The following WDR59 variants were observed in gnomAD, a reference collection of about 807,000 sequenced individuals.
WDR59 encodes WD repeat domain 59.
In WDR59, 100 loss-of-function variants were observed where a neutral mutation model predicts 131.2. The observed-to-expected ratio is 0.76, with a 90% CI of 0.65 to 0.90. The LOEUF is 0.90. WDR59 is among the 40% of genes least tolerant of loss of function. WDR59 has a pLI of 0.00. For missense variants in WDR59, 1,203 were observed against 1,262.2 expected (o/e 0.95, Z 0.71); for synonymous variants, 601 against 466.2 (o/e 1.29, Z -3.72).
intron 1 of WDR59, among the ~76,000 whole-genome samples, chr16:74,972,132 T>C (rs183827347): frequency 6.6e-6 from 1 of 152,308 alleles, no homozygotes; most frequent in Admixed American, 6.5e-5. Flanking sequence ...CTTAGAAGTC[T>C]TTGTTCCTTC....
intron 1 of WDR59, among the ~76,000 whole-genome samples, chr16:74,966,661 A>G (rs1597808125): frequency 6.6e-6 from 1 of 152,002 alleles, no homozygotes; most frequent in African/African-American, 2.4e-5. Context: ...AAGGGCATGG[A>G]CTTCTCCTCA....
intron 11 of WDR59, among the ~76,000 whole-genome samples, chr16:74,916,928 T>C (rs544020741): frequency 3.9e-5 from 6 of 152,046 alleles, no homozygotes; most frequent in Admixed American, 1.3e-4. Flanking sequence ...AAAAAACAGA[T>C]TGAAAATGCA....
chr16:74,906,903 T>C (rs1965847216), intron 17 of WDR59, among the ~76,000 whole-genome samples: 1 of 152,146 alleles, frequency 6.6e-6, no homozygotes, highest in Non-Finnish European at 1.5e-5. Flanking sequence ...TTGATATGAG[T>C]GTTGGTCACC....
At chr16:74,958,592 C>CAAAAAAAAAAA (rs747175030) in intron 2 of WDR59, among the ~76,000 whole-genome samples, 239 of 13,234 alleles carry the variant, frequency 0.018, 45 homozygotes, top group African/African-American at 0.025. Context: ...GACTCCATCT[C>CAAAAAAAAAAA]AAAAAAAAAA....
At position 74,888,205 on chromosome 16, in the gene WDR59, G is replaced by T; in HGVS notation, c.2310C>A (p.Asn770Lys). ...GLPNPFGPFP[N>K]RSSNLVVSHS... ...GGGACACCACAAGATTAGAAGAACG[G>T]TTAGGAAAAGGCCCAAAGGGGTTTG... The change falls in exon 22 of 26, where the codon AAC becomes AAA. Residue 770 changes from asparagine to lysine, a missense_variant. Transcript: ENST00000262144. The T allele has an allele frequency of 6.2e-7, 1 of 1,613,760 alleles. No homozygotes were observed. The highest frequency in any genetic ancestry group is 8.5e-7 in the Non-Finnish European group (1 of 1,179,916).
intron 7 of WDR59, 69 bp from the exon 8 acceptor site, chr16:74,938,335 C>G (rs2031964896): frequency 8.9e-7 from 1 of 1,128,468 alleles, no homozygotes; most frequent in African/African-American, 1.6e-5. Flanking sequence ...ACGTAAAAGT[C>G]TGCTAGGTAG....
intron 13 of WDR59, among the ~76,000 whole-genome samples, chr16:74,914,694 A>G (rs1463812413): frequency 6.6e-6 from 1 of 151,566 alleles, no homozygotes; most frequent in African/African-American, 2.4e-5. Flanking sequence ...CCTGGGTTCA[A>G]GCGATTCTCC....
chr16:74,933,017 T>C (rs1156411084), intron 8 of WDR59, among the ~76,000 whole-genome samples: 1 of 152,216 alleles, frequency 6.6e-6, no homozygotes, highest in Admixed American at 6.5e-5. Flanking sequence ...CCAAATGTTA[T>C]GGATTTTCTT....
intron 8 of WDR59, among the ~76,000 whole-genome samples, chr16:74,936,897 A>C (rs1208342224): frequency 6.6e-6 from 1 of 152,182 alleles, no homozygotes. Context: ...GTCACATCTG[A>C]CACATTAAAA....
At chr16:74,970,888 T>C in intron 1 of WDR59, among the ~76,000 whole-genome samples, 1 of 143,798 alleles carries the variant, frequency 7.0e-6, no homozygotes, top group East Asian at 2.0e-4. Context: ...CCACACCTTT[T>C]AAAAAAAAAA....
At chr16:74,980,750 T>C (rs1216334358) in intron 1 of WDR59, among the ~76,000 whole-genome samples, 1 of 151,650 alleles carries the variant, frequency 6.6e-6, no homozygotes, top group Non-Finnish European at 1.5e-5. Context: ...GGCAGGCATA[T>C]CACTTCAGGT....
chr16:74,943,240 C>CTT (rs3064646), intron 6 of WDR59, among the ~76,000 whole-genome samples: 110 of 146,656 alleles, frequency 7.5e-4, no homozygotes, highest in African/African-American at 2.7e-3. Context: ...TGCCTGCCCC[C>CTT]TTTTTTTTTT....
intron 5 of WDR59, 120 bp downstream of exon 5, chr16:74,949,598 C>T: frequency 1.3e-6 from 1 of 774,952 alleles, no homozygotes; most frequent in South Asian, 1.7e-5. Context: ...GCTCAAATCT[C>T]TCACTCAAAC....
In WDR59 at chr16:74,944,903, G is replaced by A. The variant is rs149926063; in HGVS notation, c.446-2077C>T. On this transcript the variant is annotated intron_variant, in intron 6 of 25. Coordinates refer to ENST00000262144, the MANE Select transcript of WDR59 (RefSeq NM_030581.4). The stretch of plus-strand genomic sequence containing the variant: ...CACTTTGGGAGGCCGAGGCAGGTAG[G>A]CCACAAAGTCAGGAGTTAGAGACCA... 1.7e-3 allele frequency among the ~76,000 whole-genome samples: 263 copies of A among 151,300 alleles called. 1 individual carries two copies. Among genetic ancestry groups the A allele is most frequent in the African/African-American group, 6.2e-3 (257 of 41,248 alleles).
intron 8 of WDR59, among the ~76,000 whole-genome samples, chr16:74,926,297 A>G (rs1274975529): frequency 6.6e-6 from 1 of 152,148 alleles, no homozygotes; most frequent in Admixed American, 6.5e-5. Context: ...ACCTCAGGTG[A>G]TCTGCCCACC....
chr16:74,961,067 G>T (rs2033542057), intron 2 of WDR59, among the ~76,000 whole-genome samples: 3 of 151,898 alleles, frequency 2.0e-5, no homozygotes, highest in African/African-American at 7.3e-5. Flanking sequence ...CATTTTGGGG[G>T]GCCAAGGCAG....
chr16:74,944,664 C>G (rs1275885935), intron 6 of WDR59, among the ~76,000 whole-genome samples: 2 of 151,876 alleles, frequency 1.3e-5, no homozygotes, highest in Non-Finnish European at 1.5e-5. Flanking sequence ...TCGGGGTATG[C>G]TAGATCCAGC....
At chr16:74,912,453 G>C in intron 13 of WDR59, 91 bp from the exon 14 acceptor site, 2 of 1,316,374 alleles carry the variant, frequency 1.5e-6, no homozygotes, top group East Asian at 2.4e-5. Flanking sequence ...CATGTTCCTG[G>C]TAATTGAATG....
chr16:74,972,880 A>C (rs1312992298), intron 1 of WDR59, among the ~76,000 whole-genome samples: 1 of 151,216 alleles, frequency 6.6e-6, no homozygotes, highest in Non-Finnish European at 1.5e-5. Context: ...CACAAACTGA[A>C]AACCACTGAT....
Sources: gnomAD v4.1 joint callset for allele counts (sites outside exome capture counted in the v4.1 genomes callset) on GRCh38, gnomAD v4.1.1 for gene constraint, MANE v1.5 for transcripts, NCBI Gene and HGNC (gene_info 2026-07-23, HGNC 2026-07-21) for gene names.